The following NCKAP1 variants were observed in gnomAD, a reference collection of about 807,000 sequenced individuals.
The protein encoded by NCKAP1 is NCK associated protein 1, also known as nck-associated protein 1.
NCKAP1 carries 21 observed loss-of-function variants against 151.2 expected under a neutral mutation model. The ratio of observed to expected loss-of-function variants is 0.14; its 90% CI spans 0.10 to 0.20. The LOEUF is 0.20. Ranked by LOEUF, NCKAP1 falls within the 10% of genes least tolerant of loss-of-function variation. The pLI is 1.00. For missense variants in NCKAP1, 933 were observed against 1,352.1 expected, an observed-to-expected ratio of 0.69 and a Z score of 4.86; for synonymous variants, 484 against 451.8, an observed-to-expected ratio of 1.07 and a Z score of -0.90.
intron 23 of NCKAP1, among the ~76,000 whole-genome samples, chr2:182,948,016 C>CA (rs1697142595): frequency 6.6e-6 from 1 of 152,040 alleles, no homozygotes; most frequent in South Asian, 2.1e-4. Context: ...GGAGAGAACT[C>CA]AAACAAAATC....
At chr2:183,034,590 T>C (rs1296644957) in intron 1 of NCKAP1, among the ~76,000 whole-genome samples, 1 of 152,168 alleles carries the variant, frequency 6.6e-6, no homozygotes. Flanking sequence ...CTTTGGGTAT[T>C]TGGCAGTTTT....
chr2:183,038,094 C>T lies in NCKAP1; in HGVS notation c.6G>A (p.Ser2=), dbSNP rs1026499786. The T allele has an allele frequency of 3.2e-6, 5 of 1,568,726 alleles. No individual in the cohort carries two copies. The highest frequency in any genetic ancestry group is 4.3e-6 in the Non-Finnish European group (5 of 1,166,986). Residue 2 remains serine, a synonymous_variant, in exon 1 of 31, where the codon TCG becomes TCA. Coordinates refer to ENST00000361354, the MANE Select transcript of NCKAP1 (RefSeq NM_013436.5). M[S]RSVLQPSQQK... ...GCTGACTGGGCTGCAGCACTGAGCG[C>T]GACATGGTGGTGCTGGTGCCGCCGC...
At chr2:183,031,727 T>C (rs1012932169) in intron 1 of NCKAP1, among the ~76,000 whole-genome samples, 3 of 152,204 alleles carry the variant, frequency 2.0e-5, no homozygotes, top group African/African-American at 7.2e-5. Context: ...ATTCTCCTCT[T>C]AACCTATGAG....
At chr2:182,969,509 C>G (rs1184286263) in intron 15 of NCKAP1, among the ~76,000 whole-genome samples, 1 of 150,862 alleles carries the variant, frequency 6.6e-6, no homozygotes, top group Non-Finnish European at 1.5e-5. Context: ...TAATAATGTA[C>G]CTTTAACTTC....
intron 17 of NCKAP1, among the ~76,000 whole-genome samples, chr2:182,963,039 G>T (rs2105834370): frequency 6.6e-6 from 1 of 152,018 alleles, no homozygotes; most frequent in Middle Eastern, 3.4e-3. Flanking sequence ...AATCATATAT[G>T]TAGAGCTTAC....
In NCKAP1 at chr2:182,994,898, G is replaced by T; in HGVS notation, c.742-11C>A. ...GTATTCACAAGGCATCTTAAAAAGA[G>T]AATATATACATTTGCAGTTAAAAGA... On this transcript the variant is annotated splice_polypyrimidine_tract_variant and intron_variant, in intron 7 of 30. Transcript: ENST00000361354. 1 of 1,591,606 alleles carries T rather than the reference G, an allele frequency of 6.3e-7. No individual in the cohort carries two copies. The highest frequency in any genetic ancestry group is 1.1e-5 in the South Asian group (1 of 90,124).
At chr2:182,962,706 T>C (rs1023906883) in intron 17 of NCKAP1, among the ~76,000 whole-genome samples, 1 of 151,948 alleles carries the variant, frequency 6.6e-6, no homozygotes, top group African/African-American at 2.4e-5. Context: ...TGGCATAACT[T>C]TGTATAAACA....
rs930466290 is a variant in NCKAP1 at position 182,920,399 on chromosome 2, T to C, written c.*5303A>G. On this transcript the variant is annotated 3_prime_UTR_variant, in exon 31 of 31. Coordinates refer to ENST00000361354, the MANE Select transcript of NCKAP1 (RefSeq NM_013436.5). ...GACATTCAGAAGCAACACTGTCATC[T>C]TGAGAGCCACATCATTCCAGTGTCA... The C allele has an allele frequency of 3.3e-5, 5 of 152,244 alleles. No individual in the cohort carries two copies. The highest frequency in any genetic ancestry group is 4.4e-5 in the Non-Finnish European group (3 of 68,030). The allele number at this position is 152,244 out of a possible 1,614,324, so 9.4% of individuals were successfully genotyped here. A position where few individuals can be genotyped will look rare whatever the true frequency, so the allele number is the denominator to read the frequency against.
intron 15 of NCKAP1, among the ~76,000 whole-genome samples, chr2:182,969,070 A>G (rs962575345): frequency 6.6e-6 from 1 of 152,226 alleles, no homozygotes; most frequent in Non-Finnish European, 1.5e-5. Context: ...GCTTTAGAGT[A>G]TAAACAGGAA....
At chr2:183,020,805 A>G (rs1057032081) in intron 2 of NCKAP1, among the ~76,000 whole-genome samples, 2 of 152,198 alleles carry the variant, frequency 1.3e-5, no homozygotes, top group East Asian at 1.9e-4. Context: ...AACTAATTCA[A>G]TAAGTTAAAA....
intron 18 of NCKAP1, among the ~76,000 whole-genome samples, chr2:182,961,410 T>C (rs1697448775): frequency 6.6e-6 from 1 of 152,034 alleles, no homozygotes; most frequent in East Asian, 1.9e-4. Context: ...CCATAAAAAA[T>C]GAGTTCATGT....
At position 182,942,067 on chromosome 2, in the gene NCKAP1, C is replaced by T. The variant is rs371274699; in HGVS notation, c.2695+3G>A. 3 of 1,603,962 alleles carry T rather than the reference C, an allele frequency of 1.9e-6. No individual in the cohort carries two copies. Among genetic ancestry groups the T allele is most frequent in the African/African-American group, 2.7e-5 (2 of 74,504 alleles). ...TTTATAAAAAGTATCATGAGTTACC[C>T]ACATGATAATCTTTTAAACAGTGCA... is the stretch of plus-strand genomic sequence containing the variant. On this transcript the variant is annotated splice_donor_region_variant and intron_variant, in intron 24 of 30. Transcript: ENST00000361354.
chr2:183,037,672 G>T (rs1699129605), intron 1 of NCKAP1, among the ~76,000 whole-genome samples: 1 of 152,184 alleles, frequency 6.6e-6, no homozygotes, highest in Admixed American at 6.5e-5. Flanking sequence ...CCCATCATGG[G>T]GGCGGGGGCG....
chr2:182,981,908 CAAAAAAA>C (rs77694869), intron 12 of NCKAP1, among the ~76,000 whole-genome samples: 6 of 51,890 alleles, frequency 1.2e-4, no homozygotes, highest in East Asian at 6.0e-4. Context: ...AACTCCGTCT[CAAAAAAA>C]AAAAAAAAAA....
rs187016667 is a variant in NCKAP1, at chr2:182,935,771, T to A, written c.2696-396A>T. Among the ~76,000 whole-genome samples, 48 of 151,970 alleles carry A rather than the reference T, an allele frequency of 3.2e-4. No homozygotes were observed. In the East Asian group the frequency reaches 8.9e-3, roughly 28 times the overall value. On this transcript the variant is annotated intron_variant, in intron 24 of 30. Coordinates refer to ENST00000361354, the MANE Select transcript of NCKAP1 (RefSeq NM_013436.5). ...TAGATGAGAAAGAAGCTGATCAGAG[T>A]GAACAGGAGTTAAATCCTCAAGCGG... is the stretch of plus-strand genomic sequence containing the variant.
intron 15 of NCKAP1, among the ~76,000 whole-genome samples, chr2:182,971,267 GC>G (rs1408357622): frequency 3.3e-5 from 5 of 149,612 alleles, no homozygotes; most frequent in African/African-American, 1.2e-4. Context: ...AGTGGCGGGC[GC>G]CTGTAGTCCC....
chr2:183,016,927 G>T (rs1305941803), intron 2 of NCKAP1, among the ~76,000 whole-genome samples: 1 of 152,158 alleles, frequency 6.6e-6, no homozygotes, highest in East Asian at 1.9e-4. Context: ...TTATAGTGGG[G>T]AACCCGGACA....
In NCKAP1 at chr2:183,032,101, T is replaced by C. The variant is rs1246954999; in HGVS notation, c.108+5891A>G. On this transcript the variant is annotated intron_variant, in intron 1 of 30. Coordinates refer to ENST00000361354, the MANE Select transcript of NCKAP1 (RefSeq NM_013436.5). Reference sequence around the variant, plus strand: ...AAGTTTGGGTCAGGATCCAGATGTATGGAATTTGGAAAAACCTTCCAAGAG... The same window carrying C: ...AAGTTTGGGTCAGGATCCAGATGTACGGAATTTGGAAAAACCTTCCAAGAG... Among the ~76,000 whole-genome samples, 9 of 152,304 alleles carry C rather than the reference T, an allele frequency of 5.9e-5. 2 individuals carry two copies. The East Asian group carries it at 1.3e-3, about 23-fold the overall frequency.
At chr2:182,929,668 T>C (rs1016810931) in intron 27 of NCKAP1, among the ~76,000 whole-genome samples, 10 of 150,548 alleles carry the variant, frequency 6.6e-5, no homozygotes, top group Non-Finnish European at 1.0e-4. Flanking sequence ...CTACAAAAAA[T>C]ACAGCTGTAG....
Sources: gnomAD v4.1 joint callset for allele counts (sites outside exome capture counted in the v4.1 genomes callset) on GRCh38, gnomAD v4.1.1 for gene constraint, MANE v1.5 for transcripts, NCBI Gene and HGNC (gene_info 2026-07-23, HGNC 2026-07-21) for gene names.